The following CNTN5 variants were observed in gnomAD, a reference collection of about 807,000 sequenced individuals.
CNTN5 encodes the protein contactin 5.
In CNTN5, 77 loss-of-function variants were observed where a neutral mutation model predicts 129.1. The ratio of observed to expected loss-of-function variants is 0.60; its 90% CI spans 0.50 to 0.72. CNTN5 has a LOEUF of 0.72. Among genes scored for constraint, CNTN5 ranks in the 30% least tolerant of loss-of-function variants. The pLI, the probability that CNTN5 is intolerant of heterozygous loss-of-function variation, is 0.00. For synonymous variants in CNTN5, 509 were observed against 465.6 expected (o/e 1.09, Z -1.20); for missense variants, 1,478 against 1,328.8 (o/e 1.11, Z -1.75).
rs781336177 is a variant in CNTN5 at position 100,070,462 on chromosome 11, T to A, written c.1201T>A (p.Leu401Ile). 1 of 1,612,652 alleles carries A rather than the reference T, an allele frequency of 6.2e-7. No individual in the cohort carries two copies. ...HWVEKLNDTQ[L>I]DSGSPLRWEC... The stretch of plus-strand genomic sequence containing the variant: ...GGTAGAAAAACTGAATGATACTCAG[T>A]TAGACAGTGGGAGCCCTCTCCGATG... Residue 401 changes from leucine (L) to isoleucine (I), a missense_variant, in exon 11 of 25, where the codon TTA becomes ATA. Transcript: ENST00000524871.
intron 3 of CNTN5, among the ~76,000 whole-genome samples, chr11:99,685,274 A>T (rs1164671141): frequency 6.6e-6 from 1 of 151,862 alleles, no homozygotes; most frequent in African/African-American, 2.4e-5. Context: ...ATCTATTGTT[A>T]TCGAGAATAT....
chr11:99,241,006 G>T (rs1390561371), intron 1 of CNTN5, among the ~76,000 whole-genome samples: 2 of 151,940 alleles, frequency 1.3e-5, no homozygotes, highest in African/African-American at 2.4e-5. Flanking sequence ...ATCTTTTCTG[G>T]GACATGTCAG....
At position 99,398,455 on chromosome 11, in the gene CNTN5, T is replaced by A. The variant is rs140567301; in HGVS notation, c.-71+72971T>A. ...GCAAATGCTTAATATTTTGTATTCA[T>A]CATTACTGTATCATACAGGACAGTT... On this transcript the variant is annotated intron_variant, in intron 2 of 24. Coordinates refer to ENST00000524871, the MANE Select transcript of CNTN5 (RefSeq NM_014361.4). Among the ~76,000 whole-genome samples the A allele has an allele frequency of 3.7e-3, 569 of 152,088 alleles. 6 individuals are homozygous for A. The highest frequency in any genetic ancestry group is 0.035 in the East Asian group (182 of 5,166).
intron 3 of CNTN5, among the ~76,000 whole-genome samples, chr11:99,625,923 T>TATAC (rs912398683): frequency 3.5e-5 from 1 of 28,200 alleles, no homozygotes; most frequent in African/African-American, 1.1e-4. Context: ...TATATATATA[T>TATAC]ACACACACAC....
intron 1 of CNTN5, among the ~76,000 whole-genome samples, chr11:99,325,141 G>A (rs1421006846): frequency 6.6e-6 from 1 of 151,694 alleles, no homozygotes; most frequent in East Asian, 1.9e-4. Context: ...AAATTATAAA[G>A]GAAAAATACA....
intron 2 of CNTN5, among the ~76,000 whole-genome samples, chr11:99,427,080 CT>C (rs2135083584): frequency 6.6e-6 from 1 of 152,320 alleles, no homozygotes; most frequent in East Asian, 1.9e-4. Context: ...CAAAAACCTT[CT>C]GCAGTGAGGT....
chr11:100,300,751 A>G (rs11223575), intron 20 of CNTN5, among the ~76,000 whole-genome samples: 13,848 of 151,588 alleles, frequency 0.091, 911 homozygotes, highest in East Asian at 0.24. Context: ...GAAGTGAAAA[A>G]TCAAGTAATG....
intron 6 of CNTN5, among the ~76,000 whole-genome samples, chr11:99,875,757 A>G (rs1306131642): frequency 1.3e-5 from 2 of 152,170 alleles, no homozygotes; most frequent in African/African-American, 4.8e-5. Flanking sequence ...GGATATATAT[A>G]TATGAAATAC....
rs564111345 is a variant in CNTN5, at chr11:99,330,328, C to G, written c.-71+4844C>G. ...GAAGGGAAGAAAATATAGATTTGGCCTTTGGGCATTAATATTTGCATTCTC... is the reference window on the plus strand; with the variant it reads ...GAAGGGAAGAAAATATAGATTTGGCGTTTGGGCATTAATATTTGCATTCTC... On this transcript the variant is annotated intron_variant, in intron 2 of 24. Transcript: ENST00000524871. Among the ~76,000 whole-genome samples the G allele has an allele frequency of 5.9e-5, 9 of 151,494 alleles. No homozygotes were observed. The East Asian group carries it at 1.8e-3, about 30-fold the overall frequency.
chr11:99,584,900 A>G (rs1371583681), intron 3 of CNTN5, among the ~76,000 whole-genome samples: 1 of 152,228 alleles, frequency 6.6e-6, no homozygotes, highest in Non-Finnish European at 1.5e-5. Flanking sequence ...AAGTGAACTG[A>G]GTAGGCCTGT....
chr11:100,258,832 T>C (rs1361861068), intron 17 of CNTN5, among the ~76,000 whole-genome samples: 1 of 152,134 alleles, frequency 6.6e-6, no homozygotes, highest in Admixed American at 6.6e-5. Context: ...ATACAGCCTC[T>C]GCAAAAACAT....
intron 2 of CNTN5, among the ~76,000 whole-genome samples, chr11:99,492,065 G>A (rs919750485): frequency 6.6e-6 from 1 of 152,156 alleles, no homozygotes; most frequent in Non-Finnish European, 1.5e-5. Context: ...ACACCAAGCA[G>A]TGCAGTAGAT....
intron 1 of CNTN5, among the ~76,000 whole-genome samples, chr11:99,316,232 A>G (rs1396719407): frequency 2.0e-5 from 3 of 152,180 alleles, no homozygotes; most frequent in Non-Finnish European, 1.5e-5. Flanking sequence ...GACAACTACA[A>G]ATCATAAGGC....
intron 2 of CNTN5, among the ~76,000 whole-genome samples, chr11:99,540,570 G>A (rs1177734419): frequency 6.6e-6 from 1 of 152,092 alleles, no homozygotes; most frequent in Non-Finnish European, 1.5e-5. Context: ...TAATGCAGAG[G>A]TCAAGAAAAA....
intron 1 of CNTN5, among the ~76,000 whole-genome samples, chr11:99,243,811 A>G (rs1861685577): frequency 8.2e-6 from 1 of 121,446 alleles, no homozygotes; most frequent in South Asian, 2.4e-4. Flanking sequence ...ATGCTGTTCT[A>G]TTGGTCTGTA....
intron 13 of CNTN5, among the ~76,000 whole-genome samples, chr11:100,132,102 A>G (rs1946395536): frequency 6.6e-6 from 1 of 152,094 alleles, no homozygotes; most frequent in Non-Finnish European, 1.5e-5. Context: ...CAAATCATAT[A>G]TAGCCAATTT....
chr11:99,596,836 G>T (rs1950142257), intron 3 of CNTN5, among the ~76,000 whole-genome samples: 1 of 152,078 alleles, frequency 6.6e-6, no homozygotes, highest in Non-Finnish European at 1.5e-5. Flanking sequence ...TTTATAAATA[G>T]ACAATAATAA....
chr11:100,255,911 A>G lies in CNTN5; in HGVS notation c.2157A>G (p.Val719=). ...CATTTTCCCTGGGCTGGCAAACAGT[A>G]AAGACAGGTAAGAGGCACTAAAGCA... is the stretch of plus-strand genomic sequence containing the variant. The part of the protein sequence containing the change: ...RSPFSLGWQT[V]KTVPEIITGD... Residue 719 remains valine (V), a synonymous_variant, in exon 17 of 25, where the codon GTA becomes GTG. Transcript: ENST00000524871. 1.9e-6 allele frequency: 3 copies of G among 1,613,864 alleles called. No individual in the cohort carries two copies. Among genetic ancestry groups the G allele is most frequent in the South Asian group, 2.2e-5 (2 of 91,084 alleles).
intron 13 of CNTN5, among the ~76,000 whole-genome samples, chr11:100,138,876 C>T (rs928426460): frequency 5.9e-5 from 9 of 152,054 alleles, no homozygotes; most frequent in Non-Finnish European, 1.2e-4. Context: ...ATAAGGGTGG[C>T]TTGAACCACA....
Sources: gnomAD v4.1 joint callset for allele counts (sites outside exome capture counted in the v4.1 genomes callset) on GRCh38, gnomAD v4.1.1 for gene constraint, MANE v1.5 for transcripts, NCBI Gene and HGNC (gene_info 2026-07-23, HGNC 2026-07-21) for gene names.